Variants in PLXDC2 observed in about 807,000 individuals in gnomAD.
PLXDC2 encodes plexin domain-containing protein 2.
PLXDC2 carries 40 observed loss-of-function variants against 68.9 expected under a neutral mutation model. The observed-to-expected ratio is 0.58, with a 90% CI of 0.45 to 0.76. PLXDC2 has a LOEUF of 0.76. Ranked by LOEUF, PLXDC2 falls within the 30% of genes least tolerant of loss-of-function variation. The probability of loss-of-function intolerance (pLI) is 0.00; values close to 1 mark genes in which losing one functional copy is unlikely to be tolerated. For synonymous variants in PLXDC2, 243 were observed against 234.2 expected (o/e 1.04, Z -0.34); for missense variants, 644 against 661.9 (o/e 0.97, Z 0.30).
intron 1 of PLXDC2, among the ~76,000 whole-genome samples, chr10:19,980,239 C>T (rs1364954379): frequency 1.3e-5 from 2 of 152,084 alleles, no homozygotes; most frequent in African/African-American, 4.8e-5. Flanking sequence ...GTGGGTATAT[C>T]TAGTTGAAGG....
In PLXDC2 at chr10:20,126,398, T is replaced by TATATAC. The variant is rs1342691317; in HGVS notation, c.542-16893_542-16892insACATAT. On this transcript the variant is annotated intron_variant, in intron 4 of 13. Coordinates refer to ENST00000377252, the MANE Select transcript of PLXDC2 (RefSeq NM_032812.9). Reference sequence around the variant, plus strand: ...ATATACATATGTGTTATATAATACATATATGTATATACAACACACGTTATA... The same window carrying TATATAC: ...ATATACATATGTGTTATATAATACATATATACATATGTATATACAACACACGTTATA... Among the ~76,000 whole-genome samples the TATATAC allele has an allele frequency of 6.9e-5, 10 of 145,876 alleles. 1 individual carries two copies. Among genetic ancestry groups the TATATAC allele is most frequent in the East Asian group, 4.1e-4 (2 of 4,910 alleles).
At chr10:20,052,468 T>C (rs1277697727) in intron 3 of PLXDC2, among the ~76,000 whole-genome samples, 3 of 152,006 alleles carry the variant, frequency 2.0e-5, no homozygotes, top group African/African-American at 7.2e-5. Context: ...CACGTCCACA[T>C]GCAACAAACA....
intron 9 of PLXDC2, among the ~76,000 whole-genome samples, chr10:20,203,164 C>A (rs1488542328): frequency 6.6e-6 from 1 of 152,154 alleles, no homozygotes; most frequent in Non-Finnish European, 1.5e-5. Flanking sequence ...AGAACTCCAG[C>A]ATGCAAAGCC....
At chr10:19,961,529 A>G (rs1183932787) in intron 1 of PLXDC2, among the ~76,000 whole-genome samples, 1 of 152,244 alleles carries the variant, frequency 6.6e-6, no homozygotes, top group African/African-American at 2.4e-5. Flanking sequence ...TTCAGCAGGA[A>G]TCGTTGTCTT....
chr10:19,939,338 C>A (rs1323916537), intron 1 of PLXDC2, among the ~76,000 whole-genome samples: 1 of 152,124 alleles, frequency 6.6e-6, no homozygotes, highest in East Asian at 1.9e-4. Flanking sequence ...ACAGATTACA[C>A]CCCCTCTGGA....
intron 4 of PLXDC2, among the ~76,000 whole-genome samples, chr10:20,131,772 C>A (rs990071156): frequency 1.3e-5 from 2 of 152,064 alleles, no homozygotes; most frequent in South Asian, 2.1e-4. Flanking sequence ...AGAAAAAAAA[C>A]CCAACTCCTA....
chr10:20,098,346 CGTGTGTGTGTATGT>C lies in PLXDC2; in HGVS notation c.541+30118_541+30131del, dbSNP rs1004286918. Among the ~76,000 whole-genome samples, 59 of 103,120 alleles carry C rather than the reference CGTGTGTGTGTATGT, an allele frequency of 5.7e-4. 1 individual carries two copies. In the South Asian group the frequency reaches 0.026, roughly 46 times the overall value. 67.7% of individuals were successfully genotyped at this position (103,120 alleles called of 152,430 possible). ...GCTCTGTCTTCCCGTCATTTTCGTG[CGTGTGTGTGTATGT>C]GTGTGTGTGTGTGTGTGTGTGTGTA... On this transcript the variant is annotated intron_variant, in intron 4 of 13. Coordinates refer to ENST00000377252, the MANE Select transcript of PLXDC2 (RefSeq NM_032812.9).
chr10:19,880,928 A>G (rs1415844249), intron 1 of PLXDC2, among the ~76,000 whole-genome samples: 5 of 152,144 alleles, frequency 3.3e-5, no homozygotes, highest in African/African-American at 1.2e-4. Flanking sequence ...ATCTCATTTT[A>G]ATTTTCTTAA....
At chr10:19,848,225 A>C (rs1837049383) in intron 1 of PLXDC2, among the ~76,000 whole-genome samples, 1 of 152,130 alleles carries the variant, frequency 6.6e-6, no homozygotes, top group South Asian at 2.1e-4. Flanking sequence ...CGCTATGAAA[A>C]TGAGACACAA....
chr10:19,912,803 T>C (rs73601647), intron 1 of PLXDC2, among the ~76,000 whole-genome samples: 1 of 152,316 alleles, frequency 6.6e-6, no homozygotes, highest in African/African-American at 2.4e-5. Context: ...TCACTAGCTC[T>C]TTCTCTAGCT....
chr10:19,913,324 C>T (rs1301293056), intron 1 of PLXDC2, among the ~76,000 whole-genome samples: 1 of 152,082 alleles, frequency 6.6e-6, no homozygotes, highest in African/African-American at 2.4e-5. Context: ...CTCCTGCTCT[C>T]CCTTTCCTTC....
intron 5 of PLXDC2, among the ~76,000 whole-genome samples, chr10:20,145,599 G>C (rs1330134851): frequency 1.3e-5 from 2 of 152,090 alleles, no homozygotes; most frequent in Admixed American, 6.5e-5. Context: ...GCCCAGGCTG[G>C]ACTGCACTGG....
At chr10:19,853,515 C>T (rs938262172) in intron 1 of PLXDC2, among the ~76,000 whole-genome samples, 54 of 152,206 alleles carry the variant, frequency 3.5e-4, no homozygotes, top group African/African-American at 1.2e-3. Flanking sequence ...CTCGCCCTCT[C>T]AAAGTGTTGG....
intron 4 of PLXDC2, among the ~76,000 whole-genome samples, chr10:20,131,871 C>A (rs1833872480): frequency 6.6e-6 from 1 of 151,768 alleles, no homozygotes. Context: ...TCTGCTAACT[C>A]TTTATTATAT....
chr10:19,967,721 G>A (rs924383021), intron 1 of PLXDC2, among the ~76,000 whole-genome samples: 2 of 152,130 alleles, frequency 1.3e-5, no homozygotes, highest in Admixed American at 6.5e-5. Context: ...TTAGCAGCAC[G>A]ACTTGCTTTC....
intron 1 of PLXDC2, among the ~76,000 whole-genome samples, chr10:19,891,146 C>A (rs971156604): frequency 6.6e-6 from 1 of 152,040 alleles, no homozygotes; most frequent in Admixed American, 6.6e-5. Context: ...ATATAAGTAC[C>A]CAGTTGAGGA....
chr10:19,866,820 G>A (rs1837425320), intron 1 of PLXDC2, among the ~76,000 whole-genome samples: 1 of 152,166 alleles, frequency 6.6e-6, no homozygotes, highest in African/African-American at 2.4e-5. Context: ...AATACATGGA[G>A]GTTATACATT....
chr10:19,957,522 A>C (rs987924438), intron 1 of PLXDC2, among the ~76,000 whole-genome samples: 1 of 152,156 alleles, frequency 6.6e-6, no homozygotes, highest in African/African-American at 2.4e-5. Flanking sequence ...TACGCTGGAA[A>C]TATCTTCTTC....
At position 20,096,474 on chromosome 10, in the gene PLXDC2, G is replaced by A. The variant is rs1467681993; in HGVS notation, c.541+28235G>A. ...TGTAGGATGGTGATAAAAAGTAAGG[G>A]AAGAAAATTATGAGTATTTAAACAG... is the stretch of plus-strand genomic sequence containing the variant. On this transcript the variant is annotated intron_variant, in intron 4 of 13. Coordinates refer to ENST00000377252, the MANE Select transcript of PLXDC2 (RefSeq NM_032812.9). Among the ~76,000 whole-genome samples, 3 of 152,052 alleles carry A rather than the reference G, an allele frequency of 2.0e-5. No homozygotes were observed. In the East Asian group the frequency reaches 5.8e-4, roughly 29 times the overall value.
Sources: allele counts gnomAD v4.1 joint callset (sites outside exome capture counted in the v4.1 genomes callset), GRCh38; gene constraint gnomAD v4.1.1; transcripts MANE v1.5; gene names NCBI Gene and HGNC (gene_info 2026-07-23, HGNC 2026-07-21).